Variants in PLEKHA4 observed in about 807,000 individuals in gnomAD.
PLEKHA4 encodes pleckstrin homology domain containing A4, also known as pleckstrin homology domain-containing family A member 4.
In PLEKHA4, 73 loss-of-function variants were observed where a neutral mutation model predicts 94.7. That is an observed-to-expected ratio of 0.77 (90% CI 0.64 to 0.94). The LOEUF is 0.94. Ranked by LOEUF, PLEKHA4 falls within the 40% of genes least tolerant of loss-of-function variation. The pLI is 0.00. For synonymous variants in PLEKHA4, 449 were observed against 437.1 expected (o/e 1.03, Z -0.34); for missense variants, 1,049 against 1,054.1 (o/e 1.00, Z 0.07).
intron 8 of PLEKHA4, 152 bp from the exon 9 acceptor site, chr19:48,857,648 G>A: frequency 1.7e-6 from 1 of 603,948 alleles, no homozygotes; most frequent in Non-Finnish European, 2.9e-6. Context: ...CATGTGCTGT[G>A]TCCACTCAGG....
Position 48,867,943 on chromosome 19 carries a change from C to T in PLEKHA4, c.-7+140G>A, listed in dbSNP as rs549520660. On this transcript the variant is annotated intron_variant, in intron 1 of 19. Transcript: ENST00000263265. The surrounding 1 kb of genome is among the most constrained non-coding windows in gnomAD (Gnocchi z 4.7). Reference sequence around the variant, plus strand: ...TTAGGGACTCCCCATTCCCTGCCTCCTTCCGGCTGCCCCAGGCTACCTGTC... The same window carrying T: ...TTAGGGACTCCCCATTCCCTGCCTCTTTCCGGCTGCCCCAGGCTACCTGTC... 6 of 297,596 alleles carry T rather than the reference C, an allele frequency of 2.0e-5. No individual in the cohort carries two copies. In the East Asian group the frequency reaches 3.4e-4, roughly 17 times the overall value. The allele number at this position is 297,596 out of a possible 1,614,324, so 18.4% of individuals were successfully genotyped here.
chr19:48,848,137 T>C (rs1041311322), intron 13 of PLEKHA4, 97 bp from the exon 14 acceptor site: 46 of 1,300,858 alleles, frequency 3.5e-5, no homozygotes, highest in Non-Finnish European at 4.8e-5. Context: ...AGCTGGGCTA[T>C]ATTTATGGAG....
intron 13 of PLEKHA4, among the ~76,000 whole-genome samples, chr19:48,848,475 G>A (rs2036055139): frequency 7.9e-6 from 1 of 126,192 alleles, no homozygotes; most frequent in East Asian, 2.3e-4. Context: ...GACAGAGCGA[G>A]ACTCCGTCTC....
rs1227094272 is a variant in PLEKHA4, at chr19:48,848,050, G to A, written c.1426-10C>T. On this transcript the variant is annotated splice_polypyrimidine_tract_variant and intron_variant, in intron 13 of 19. Transcript: ENST00000263265. Reference sequence around the variant, plus strand: ...GAGCAGACACTCTGTCCTGCAGGGAGGAAAGGAATTTGTTACTTAAAGGTG... The same window carrying A: ...GAGCAGACACTCTGTCCTGCAGGGAAGAAAGGAATTTGTTACTTAAAGGTG... 1 of 1,613,054 alleles carries A rather than the reference G, an allele frequency of 6.2e-7. No homozygotes were observed. The highest frequency in any genetic ancestry group is 1.7e-5 in the Admixed American group (1 of 59,944).
intron 2 of PLEKHA4, 143 bp from the exon 3 acceptor site, chr19:48,865,753 A>G (rs534320246): frequency 2.0e-4 from 115 of 583,598 alleles, no homozygotes; most frequent in Middle Eastern, 8.3e-4. Context: ...AGTGGCTCAC[A>G]CCTGTAATCC....
At chr19:48,862,889 G>C (rs16982344) in intron 3 of PLEKHA4, among the ~76,000 whole-genome samples, 4,166 of 152,292 alleles carry the variant, frequency 0.027, 92 homozygotes, top group South Asian at 0.079. Flanking sequence ...CTATCCGCTG[G>C]AGATTGAGAA....
chr19:48,859,124 G>A lies in PLEKHA4; in HGVS notation c.708C>T (p.Leu236=). ...RARSPDLFTP[L]SRPPSPLSLP... The stretch of plus-strand genomic sequence containing the variant: ...GGCTCAGAGGCGAGGGAGGGCGAGA[G>A]AGGGGGGTGAACAGGCTGTGGGAAG... Residue 236 remains leucine, a synonymous_variant, in exon 8 of 20, where the codon CTC becomes CTT. Coordinates refer to ENST00000263265, the MANE Select transcript of PLEKHA4 (RefSeq NM_020904.3). The A allele has an allele frequency of 6.6e-7, 1 of 1,515,386 alleles. No homozygotes were observed. Among genetic ancestry groups the A allele is most frequent in the Non-Finnish European group, 8.8e-7 (1 of 1,137,874 alleles). The allele number at this position is 1,515,386 out of a possible 1,614,324, so 93.9% of individuals were successfully genotyped here.
chr19:48,866,027 A>AAAAG (rs1210985540), intron 2 of PLEKHA4, among the ~76,000 whole-genome samples: 2 of 151,872 alleles, frequency 1.3e-5, no homozygotes, highest in Non-Finnish European at 2.9e-5. Flanking sequence ...GAAAAAAAAA[A>AAAAG]AAAGAAAGAA....
At chr19:48,849,925 G>A (rs1017156206) in intron 13 of PLEKHA4, among the ~76,000 whole-genome samples, 7 of 152,280 alleles carry the variant, frequency 4.6e-5, no homozygotes, top group Admixed American at 1.3e-4. Flanking sequence ...TAAAACGAAA[G>A]GCATTGGCCG....
chr19:48,867,190 T>C lies in PLEKHA4; in HGVS notation c.84+347A>G, dbSNP rs2036862525. On this transcript the variant is annotated intron_variant, in intron 2 of 19. Coordinates refer to ENST00000263265, the MANE Select transcript of PLEKHA4 (RefSeq NM_020904.3). The surrounding 1 kb of genome is among the most constrained non-coding windows in gnomAD (Gnocchi z 4.7). ...TTATAGGATTTCATTAGTGGGTAGA[T>C]TGGATGGCGAGAGATAGGACAGCAA... 6.6e-6 allele frequency among the ~76,000 whole-genome samples: 1 copy of C among 152,034 alleles called. No homozygotes were observed. The highest frequency in any genetic ancestry group is 2.4e-5 in the African/African-American group (1 of 41,398).
intron 9 of PLEKHA4, among the ~76,000 whole-genome samples, chr19:48,855,154 T>C (rs1421971503): frequency 6.6e-6 from 1 of 152,110 alleles, no homozygotes; most frequent in East Asian, 1.9e-4. Flanking sequence ...AGACATTTTA[T>C]TTATGACTAA....
intron 3 of PLEKHA4, among the ~76,000 whole-genome samples, chr19:48,863,432 G>GT (rs113645066): frequency 0.021 from 2,188 of 104,712 alleles, 106 homozygotes; most frequent in African/African-American, 0.057. Flanking sequence ...TAGGTTTTTT[G>GT]TTTTTTTTTT....
chr19:48,856,515 C>T lies in PLEKHA4; in HGVS notation c.1047+907G>A, dbSNP rs547458317. The stretch of plus-strand genomic sequence containing the variant: ...CGGGAGGATCACGAGGTTAGGAGTT[C>T]GAGACCAGCCTGACCAACATGGTGA... On this transcript the variant is annotated intron_variant, in intron 9 of 19. Coordinates refer to ENST00000263265, the MANE Select transcript of PLEKHA4 (RefSeq NM_020904.3). 4.4e-3 allele frequency among the ~76,000 whole-genome samples: 674 copies of T among 152,030 alleles called. 4 individuals are homozygous for T. The highest frequency in any genetic ancestry group is 0.013 in the African/African-American group (545 of 41,496).
In PLEKHA4 at chr19:48,861,664, C is replaced by T. The variant is rs764164035; in HGVS notation, c.221G>A (p.Arg74His). ...ATGGCCGGAGAGGACGAACCAGCGG[C>T]GTTTCCAGAGACGGAGCCCCGAGCT... ...QDSSGLRLWK[R>H]RWFVLSGHCL... is the part of the protein sequence containing the mutation. Residue 74 changes from arginine to histidine, a missense_variant, in exon 4 of 20, where the codon CGC becomes CAC. Arg to His is a conservative substitution (Grantham distance 29). Coordinates refer to ENST00000263265, the MANE Select transcript of PLEKHA4 (RefSeq NM_020904.3). The T allele has an allele frequency of 1.3e-4, 203 of 1,614,008 alleles. No individual in the cohort carries two copies. The highest frequency in any genetic ancestry group is 1.6e-4 in the Non-Finnish European group (189 of 1,180,006).
At chr19:48,858,395 G>A (rs2036503749) in intron 8 of PLEKHA4, among the ~76,000 whole-genome samples, 1 of 152,078 alleles carries the variant, frequency 6.6e-6, no homozygotes, top group African/African-American at 2.4e-5. Flanking sequence ...GCTGAGATGG[G>A]CAGATCACCT....
Position 48,859,628 on chromosome 19 carries a change from C to G in PLEKHA4, c.533G>C (p.Gly178Ala), listed in dbSNP as rs1351576047. 2 of 1,612,418 alleles carry G rather than the reference C, an allele frequency of 1.2e-6. No homozygotes were observed. Among genetic ancestry groups the G allele is most frequent in the Non-Finnish European group, 1.7e-6 (2 of 1,179,896 alleles). The change falls in exon 7 of 20, where the codon GGT becomes GCT. Residue 178 changes from glycine to alanine, a missense_variant. Gly to Ala is a moderately conservative substitution (Grantham distance 60, BLOSUM62 0). Coordinates refer to ENST00000263265, the MANE Select transcript of PLEKHA4 (RefSeq NM_020904.3). ...PQPGEGPGGPGGPPEVSRGEE... is the reference protein window; with the variant it reads ...PQPGEGPGGPAGPPEVSRGEE... ...CCCTCTGCTCACCTCCGGGGGACCA[C>G]CGGGGCCGCCGGGGCCCTCCCCGGG...
Position 48,848,024 on chromosome 19 carries a change from T to G in PLEKHA4, c.1442A>C (p.Gln481Pro), listed in dbSNP as rs765037443. The G allele has an allele frequency of 1.2e-6, 2 of 1,613,740 alleles. No individual in the cohort carries two copies. The change falls in exon 14 of 20, where the codon CAG becomes CCG. Residue 481 changes from glutamine (Q) to proline (P), a missense_variant. Physicochemically the swap from Gln to Pro is moderately conservative, Grantham distance 76 (BLOSUM62 -1). Transcript: ENST00000263265. ...GTCTTCCACCATCCACAGCTGCTGC[T>G]GAGCAGACACTCTGTCCTGCAGGGA... ...LGSPQDRVSA[Q>P]QQLWMVEDTL... is the part of the protein sequence containing the mutation.
chr19:48,862,471 G>A (rs559617047), intron 3 of PLEKHA4, among the ~76,000 whole-genome samples: 19 of 151,774 alleles, frequency 1.3e-4, no homozygotes, highest in Non-Finnish European at 1.9e-4. Context: ...AAAGTGCTGG[G>A]GTTACAGGCG....
intron 3 of PLEKHA4, 36 bp from the exon 4 acceptor site, chr19:48,861,728 G>C (rs774828098): frequency 1.3e-6 from 2 of 1,572,870 alleles, no homozygotes; most frequent in African/African-American, 1.4e-5. Context: ...CCTGAGTAAA[G>C]GGAAACAGAA....
Sources: gnomAD v4.1 joint callset for allele counts (sites outside exome capture counted in the v4.1 genomes callset) on GRCh38, gnomAD v4.1.1 for gene constraint, Gnocchi (gnomAD v3.1) non-coding constraint, MANE v1.5 for transcripts, NCBI Gene and HGNC (gene_info 2026-07-23, HGNC 2026-07-21) for gene names.